Variants in SMAD9 observed in about 807,000 individuals in gnomAD.
SMAD9 encodes the protein MAD homolog 9.
In SMAD9, 36 loss-of-function variants were observed where a neutral mutation model predicts 46.1. The observed-to-expected ratio is 0.78, with a 90% CI of 0.60 to 1.03. The LOEUF (loss-of-function observed/expected upper bound fraction) is 1.03, where lower values mean the gene tolerates loss of function less well. Ranked by LOEUF, SMAD9 falls within the 50% of genes least tolerant of loss-of-function variation. The pLI is 0.00. For synonymous variants in SMAD9, 245 were observed against 237.1 expected, an observed-to-expected ratio of 1.03 and a Z score of -0.31; for missense variants, 572 against 599.8, an observed-to-expected ratio of 0.95 and a Z score of 0.48.
At chr13:36,859,654 T>C (rs1406864628) in intron 5 of SMAD9, among the ~76,000 whole-genome samples, 1 of 152,114 alleles carries the variant, frequency 6.6e-6, no homozygotes, top group Non-Finnish European at 1.5e-5. Flanking sequence ...CTACCCACTG[T>C]TTAGCATATA....
At chr13:36,909,479 C>T (rs900901655) in intron 1 of SMAD9, among the ~76,000 whole-genome samples, 3 of 152,138 alleles carry the variant, frequency 2.0e-5, no homozygotes, top group Non-Finnish European at 4.4e-5. Context: ...TTTACACATA[C>T]GTAATAAACT....
chr13:36,849,251 G>A (rs2058055898), intron 6 of SMAD9: 1 of 159,966 alleles, frequency 6.3e-6, no homozygotes, highest in Non-Finnish European at 1.3e-5. Flanking sequence ...TGGTTTTTCA[G>A]GGCTCATTAT....
At chr13:36,870,284 CT>C (rs1315669986) in intron 3 of SMAD9, among the ~76,000 whole-genome samples, 2 of 152,178 alleles carry the variant, frequency 1.3e-5, no homozygotes, top group Non-Finnish European at 1.5e-5. Context: ...TTTTGCAACA[CT>C]ATTATCCTCC....
At chr13:36,853,287 A>C (rs921888901) in intron 6 of SMAD9, 132 bp downstream of exon 6, 41 of 881,224 alleles carry the variant, frequency 4.7e-5, no homozygotes, top group Middle Eastern at 6.4e-4. Flanking sequence ...TCCGTCTCAA[A>C]AAATAATAAT....
rs1303390306 is a variant in SMAD9 at position 36,872,837 on chromosome 13, G to C, written c.491C>G (p.Ser164Cys). The change falls in exon 3 of 7, where the codon TCC becomes TGC. Residue 164 changes from serine to cysteine, a missense_variant. Coordinates refer to ENST00000379826, the MANE Select transcript of SMAD9 (RefSeq NM_001127217.3). ...LSLLAKFRSA[S>C]LHSEPLMPHN... ...TGGCATGAGTGGCTCACTGTGCAGG[G>C]AGGCGCTGCGGAACTTGGCCAGGAG... 5 of 1,614,126 alleles carry C rather than the reference G, an allele frequency of 3.1e-6. No individual in the cohort carries two copies. The South Asian group carries it at 5.5e-5, about 18-fold the overall frequency.
chr13:36,860,135 G>C (rs2058166388), intron 5 of SMAD9, among the ~76,000 whole-genome samples: 1 of 152,082 alleles, frequency 6.6e-6, no homozygotes, highest in South Asian at 2.1e-4. Context: ...AGAGATCTAA[G>C]AACCTTCTTT....
chr13:36,916,271 G>A (rs578182699), intron 1 of SMAD9, among the ~76,000 whole-genome samples: 19 of 152,332 alleles, frequency 1.2e-4, no homozygotes, highest in African/African-American at 4.1e-4. Flanking sequence ...TGTGGTAGCC[G>A]TATCACATTA....
chr13:36,910,129 A>G (rs528542687), intron 1 of SMAD9, among the ~76,000 whole-genome samples: 68 of 152,062 alleles, frequency 4.5e-4, no homozygotes, highest in Middle Eastern at 3.4e-3. Flanking sequence ...CCGGGGAGGC[A>G]GAGCTTGCAG....
At position 36,879,392 on chromosome 13, in the gene SMAD9, C is replaced by G; in HGVS notation, c.298G>C (p.Asp100His). ...TTCAGCTCGTGGTGGGACTGCAGATCCGGCCAGCGCCACACGCGACAGTAA... is the reference window on the plus strand; with the variant it reads ...TTCAGCTCGTGGTGGGACTGCAGATGCGGCCAGCGCCACACGCGACAGTAA... The part of the protein sequence containing the change: ...VIYCRVWRWP[D>H]LQSHHELKPL... The change falls in exon 2 of 7, where the codon GAT becomes CAT. Residue 100 changes from aspartate to histidine, a missense_variant. Coordinates refer to ENST00000379826, the MANE Select transcript of SMAD9 (RefSeq NM_001127217.3). The G allele has an allele frequency of 6.2e-7, 1 of 1,614,102 alleles. No homozygotes were observed. The highest frequency in any genetic ancestry group is 8.5e-7 in the Non-Finnish European group (1 of 1,180,044).
intron 5 of SMAD9, among the ~76,000 whole-genome samples, chr13:36,863,968 G>T (rs996996510): frequency 1.3e-5 from 2 of 152,140 alleles, no homozygotes; most frequent in African/African-American, 4.8e-5. Context: ...CAGGTTCCTA[G>T]AACACATTCA....
At chr13:36,855,680 C>T (rs902172574) in intron 5 of SMAD9, among the ~76,000 whole-genome samples, 4 of 152,178 alleles carry the variant, frequency 2.6e-5, no homozygotes, top group Admixed American at 2.6e-4. Context: ...ACTGACATAG[C>T]TGCTGGGAGT....
chr13:36,902,453 G>A (rs1190649008), intron 1 of SMAD9, among the ~76,000 whole-genome samples: 1 of 150,814 alleles, frequency 6.6e-6, no homozygotes, highest in East Asian at 1.9e-4. Flanking sequence ...CTTCAACTTT[G>A]TTCTTCTTTT....
chr13:36,884,349 GC>G (rs2138529651), intron 1 of SMAD9, among the ~76,000 whole-genome samples: 1 of 152,282 alleles, frequency 6.6e-6, no homozygotes, highest in South Asian at 2.1e-4. Context: ...AAAGCCTCCT[GC>G]TGGCCCTTAC....
chr13:36,876,912 G>GT (rs1457712973), intron 2 of SMAD9, among the ~76,000 whole-genome samples: 2 of 151,036 alleles, frequency 1.3e-5, no homozygotes, highest in African/African-American at 4.9e-5. Context: ...AAAAACACAA[G>GT]TAAGAAAAAC....
chr13:36,858,886 A>AT (rs961155616), intron 5 of SMAD9, among the ~76,000 whole-genome samples: 2 of 152,002 alleles, frequency 1.3e-5, no homozygotes, highest in Non-Finnish European at 2.9e-5. Context: ...ACTTTTTGGT[A>AT]TTTTTTGTAG....
intron 1 of SMAD9, among the ~76,000 whole-genome samples, chr13:36,911,102 C>T (rs2058657339): frequency 6.6e-6 from 1 of 152,108 alleles, no homozygotes; most frequent in South Asian, 2.1e-4. Flanking sequence ...ACCTGCCAGG[C>T]TCAATAGATC....
intron 1 of SMAD9, among the ~76,000 whole-genome samples, chr13:36,901,193 G>A (rs1291441185): frequency 2.0e-5 from 3 of 152,148 alleles, no homozygotes; most frequent in South Asian, 2.1e-4. Context: ...ATATACCTAG[G>A]AGTGGAATTG....
chr13:36,879,505 G>A lies in SMAD9; in HGVS notation c.185C>T (p.Pro62Leu), dbSNP rs370142437. Reference protein sequence around the residue: ...MDELERALSCPGQPSKCVTIP... With the variant: ...MDELERALSCLGQPSKCVTIP... ...CGTGACGCATTTGCTGGGCTGCCCC[G>A]GGCAGCTGAGAGCCCTCTCCAGCTC... is the stretch of plus-strand genomic sequence containing the variant. The change falls in exon 2 of 7, where the codon CCG (proline) becomes CTG (leucine). Residue 62 changes from proline to leucine, a missense_variant. Pro to Leu is a moderately conservative substitution (Grantham distance 98). Transcript: ENST00000379826. 4.2e-5 allele frequency: 67 copies of A among 1,613,972 alleles called. No individual in the cohort carries two copies. Among genetic ancestry groups the A allele is most frequent in the Non-Finnish European group, 5.2e-5 (61 of 1,180,042 alleles).
intron 1 of SMAD9, among the ~76,000 whole-genome samples, chr13:36,899,248 ACAGC>A (rs1459960679): frequency 3.3e-5 from 5 of 152,206 alleles, no homozygotes; most frequent in Non-Finnish European, 7.3e-5. Flanking sequence ...CTCGAAAATG[ACAGC>A]TGCAAAACAC....
Sources: gnomAD v4.1 joint callset for allele counts (sites outside exome capture counted in the v4.1 genomes callset) on GRCh38, gnomAD v4.1.1 for gene constraint, MANE v1.5 for transcripts, NCBI Gene and HGNC (gene_info 2026-07-23, HGNC 2026-07-21) for gene names.